SUCLA2: variants seen among roughly 807,000 people sequenced by gnomAD.
SUCLA2 encodes succinate--CoA ligase [ADP-forming] subunit beta, mitochondrial.
Under a neutral mutation model 54.8 loss-of-function variants are expected in SUCLA2, and 30 were observed. The ratio of observed to expected loss-of-function variants is 0.55; its 90% CI spans 0.41 to 0.74. The LOEUF (loss-of-function observed/expected upper bound fraction) is 0.74. Among genes scored for constraint, SUCLA2 ranks in the 30% least tolerant of loss-of-function variants. The pLI is 0.00. For missense variants in SUCLA2, 476 were observed against 562.9 expected (o/e 0.85, Z 1.56); for synonymous variants, 172 against 188.9 (o/e 0.91, Z 0.74).
intron 10 of SUCLA2, among the ~76,000 whole-genome samples, chr13:47,943,842 T>C (rs1298228117): frequency 6.6e-6 from 1 of 150,804 alleles, no homozygotes; most frequent in Non-Finnish European, 1.5e-5. Context: ...ACTCCACAAC[T>C]CAAAGCACAT....
At chr13:47,963,699 C>T (rs762113549) in intron 6 of SUCLA2, among the ~76,000 whole-genome samples, 1 of 151,952 alleles carries the variant, frequency 6.6e-6, no homozygotes, top group Non-Finnish European at 1.5e-5. Flanking sequence ...TTTTTATGTA[C>T]GTGTACAAAC....
At chr13:47,946,606 C>A (rs9567957) in intron 10 of SUCLA2, among the ~76,000 whole-genome samples, 15,637 of 149,908 alleles carry the variant, frequency 0.1, 900 homozygotes, top group South Asian at 0.18. Context: ...AAAAAGCAAT[C>A]CCTTTAAAAA....
intron 4 of SUCLA2, among the ~76,000 whole-genome samples, chr13:47,975,605 ATC>A (rs1950005989): frequency 1.3e-5 from 2 of 151,652 alleles, no homozygotes; most frequent in South Asian, 2.1e-4. Context: ...AAAAAGAAGA[ATC>A]TATCACTTTT....
intron 4 of SUCLA2, among the ~76,000 whole-genome samples, chr13:47,986,373 C>T (rs1031146042): frequency 1.3e-5 from 2 of 152,104 alleles, no homozygotes; most frequent in African/African-American, 4.8e-5. Context: ...ACTTTGCCCC[C>T]TTTTTAATGG....
chr13:47,999,197 T>A (rs1247759236), intron 1 of SUCLA2, among the ~76,000 whole-genome samples: 1 of 110,272 alleles, frequency 9.1e-6, no homozygotes, highest in African/African-American at 3.0e-5. Context: ...AAAAATCTAA[T>A]GTCTATAAAG....
intron 6 of SUCLA2, 97 bp from the exon 7 acceptor site, chr13:47,954,654 T>C (rs1949804772): frequency 1.6e-6 from 2 of 1,282,174 alleles, no homozygotes; most frequent in African/African-American, 1.5e-5. Context: ...AAAAGACACA[T>C]TTTAATTTTG....
intron 6 of SUCLA2, among the ~76,000 whole-genome samples, chr13:47,963,430 G>A (rs1021601484): frequency 6.6e-6 from 1 of 152,080 alleles, no homozygotes; most frequent in African/African-American, 2.4e-5. Context: ...GATCACCTGA[G>A]GTCAAGAGTT....
At position 47,964,015 on chromosome 13, in the gene SUCLA2, C is replaced by A. The variant is rs2137708386; in HGVS notation, c.802+4580G>T. Among the ~76,000 whole-genome samples, 4 of 152,236 alleles carry A rather than the reference C, an allele frequency of 2.6e-5. No individual in the cohort carries two copies. In the South Asian group the frequency reaches 8.3e-4, roughly 32 times the overall value. On this transcript the variant is annotated intron_variant, in intron 6 of 10. Transcript: ENST00000646932. ...AGGACTTACAGTCACACAAACCTTG[C>A]AAATGTTTGTAGCAGCTTGTTGGTA... is the stretch of plus-strand genomic sequence containing the variant.
In SUCLA2 at chr13:47,948,927, A is replaced by G. The variant is rs377582399; in HGVS notation, c.1317+13T>C. ...GTTTATAAATCCTCCTTAGATGAAC[A>G]TGGCCAATTTACCATTCTAGCAGCT... On this transcript the variant is annotated intron_variant, in intron 10 of 10. Transcript: ENST00000646932. 2 of 1,609,966 alleles carry G rather than the reference A, an allele frequency of 1.2e-6. No individual in the cohort carries two copies. The highest frequency in any genetic ancestry group is 1.3e-5 in the African/African-American group (1 of 74,818).
At chr13:47,983,583 G>A (rs1160613256) in intron 4 of SUCLA2, among the ~76,000 whole-genome samples, 4 of 150,608 alleles carry the variant, frequency 2.7e-5, no homozygotes, top group African/African-American at 7.3e-5. Context: ...TCCGCCTCCC[G>A]GGTTCACGCC....
At chr13:47,955,852 G>A (rs1949816460) in intron 6 of SUCLA2, among the ~76,000 whole-genome samples, 1 of 152,106 alleles carries the variant, frequency 6.6e-6, no homozygotes, top group Admixed American at 6.6e-5. Context: ...TGCAGCTCCT[G>A]AAAAGATACA....
chr13:47,989,469 C>A (rs1950133697), intron 2 of SUCLA2, among the ~76,000 whole-genome samples: 1 of 152,128 alleles, frequency 6.6e-6, no homozygotes, highest in African/African-American at 2.4e-5. Flanking sequence ...CCTCGGCCTC[C>A]CAAAGTGCTG....
intron 1 of SUCLA2, among the ~76,000 whole-genome samples, chr13:47,997,542 ACCAAGGCATT>A (rs1950200439): frequency 6.6e-6 from 1 of 152,198 alleles, no homozygotes; most frequent in Non-Finnish European, 1.5e-5. Context: ...CCCATTCAGG[ACCAAGGCATT>A]CATAGCCCCC....
At chr13:47,977,048 G>A (rs1950020048) in intron 4 of SUCLA2, among the ~76,000 whole-genome samples, 1 of 150,108 alleles carries the variant, frequency 6.7e-6, no homozygotes, top group Non-Finnish European at 1.5e-5. Context: ...TTGAAAAAGT[G>A]AATAAAATTG....
intron 10 of SUCLA2, among the ~76,000 whole-genome samples, chr13:47,946,385 A>G (rs1949731574): frequency 2.6e-5 from 4 of 152,168 alleles, no homozygotes; most frequent in Admixed American, 2.6e-4. Context: ...ACATACAATT[A>G]GCTTATGTTT....
chr13:47,943,762 G>GTATATATATATATATATATATA (rs1419922780), intron 10 of SUCLA2, among the ~76,000 whole-genome samples: 20 of 133,352 alleles, frequency 1.5e-4, no homozygotes, highest in African/African-American at 6.1e-4. Flanking sequence ...GTGTGTGTGT[G>GTATATATATATATATATATATA]TGTGTATATA....
rs778348530 is a variant in SUCLA2 at position 47,988,839 on chromosome 13, A to G, written c.371+43T>C. Reference sequence around the variant, plus strand: ...TCAATTCAATAAGTAATCTTTAATCAGTCTTTAACAAGGATGATTTTTCCT... The same window carrying G: ...TCAATTCAATAAGTAATCTTTAATCGGTCTTTAACAAGGATGATTTTTCCT... On this transcript the variant is annotated intron_variant, in intron 3 of 10. Transcript: ENST00000646932. 2.5e-6 allele frequency: 4 copies of G among 1,597,026 alleles called. No homozygotes were observed. The East Asian group carries it at 8.9e-5, about 36-fold the overall frequency.
rs143918243 is a variant in SUCLA2, at chr13:47,943,727, A to G, written c.1318-282T>C. Among the ~76,000 whole-genome samples, 49 of 145,632 alleles carry G rather than the reference A, an allele frequency of 3.4e-4. 1 individual carries two copies. In the East Asian group the frequency reaches 9.9e-3, roughly 29 times the overall value. Reference sequence around the variant, plus strand: ...TACATAAGATTATATATGTGTGTATAAAATGTGTGTGTATGTATGTGTGTG... The same window carrying G: ...TACATAAGATTATATATGTGTGTATGAAATGTGTGTGTATGTATGTGTGTG... On this transcript the variant is annotated intron_variant, in intron 10 of 10. Coordinates refer to ENST00000646932, the MANE Select transcript of SUCLA2 (RefSeq NM_003850.3).
rs1327318684 is a variant in SUCLA2 at position 47,954,298 on chromosome 13, T to C, written c.965-16A>G. On this transcript the variant is annotated splice_polypyrimidine_tract_variant and intron_variant, in intron 7 of 10. Coordinates refer to ENST00000646932, the MANE Select transcript of SUCLA2 (RefSeq NM_003850.3). ...GCACCATTTACTATATAGGGGAAAA[T>C]GATTTGTATAAGCAACAAACACAGA... The C allele has an allele frequency of 6.2e-7, 1 of 1,613,796 alleles. No individual in the cohort carries two copies. The highest frequency in any genetic ancestry group is 8.5e-7 in the Non-Finnish European group (1 of 1,179,788).
Sources: allele counts gnomAD v4.1 joint callset (sites outside exome capture counted in the v4.1 genomes callset), GRCh38; gene constraint gnomAD v4.1.1; transcripts MANE v1.5; gene names NCBI Gene and HGNC (gene_info 2026-07-23, HGNC 2026-07-21).